The following THAP5 variants were observed in gnomAD, a reference collection of about 807,000 sequenced individuals.
THAP5 encodes THAP domain-containing protein 5.
A neutral mutation model predicts 34.0 loss-of-function variants in THAP5; 26 were observed. The ratio of observed to expected loss-of-function variants is 0.77; its 90% CI spans 0.56 to 1.06. The LOEUF (loss-of-function observed/expected upper bound fraction) is 1.06, where lower values mean the gene tolerates loss of function less well. Ranked by LOEUF, THAP5 falls within the 50% of genes least tolerant of loss-of-function variation. THAP5 has a pLI of 0.00. For missense variants in THAP5, 394 were observed against 452.8 expected (o/e 0.87, Z 1.18); for synonymous variants, 125 against 153.0 (o/e 0.82, Z 1.35).
chr7:108,565,140 G>T, intron 2 of THAP5, 35 bp from the exon 3 acceptor site: 1 of 1,435,346 alleles, frequency 7.0e-7, no homozygotes, highest in South Asian at 1.5e-5. Flanking sequence ...TGAAAAAGAT[G>T]ACTTTTATTG....
chr7:108,553,037 G>A (rs1207598124), downstream of THAP5, among the ~76,000 whole-genome samples: 3 of 151,912 alleles, frequency 2.0e-5, no homozygotes, highest in Non-Finnish European at 4.4e-5. Flanking sequence ...TAAATGAAGA[G>A]GCATTCCCAT....
rs1209205062 is a variant in THAP5, at chr7:108,562,424, A to G, written c.*1767T>C. The G allele has an allele frequency of 6.6e-6, 1 of 152,148 alleles. No homozygotes were observed. The highest frequency in any genetic ancestry group is 1.5e-5 in the Non-Finnish European group (1 of 68,020). The allele number at this position is 152,148 out of a possible 1,614,324, so 9.4% of individuals were successfully genotyped here. On this transcript the variant is annotated 3_prime_UTR_variant, in exon 3 of 3. Transcript: ENST00000415914. ...ATTTCTAATCTTTTATAATTAGTTG[A>G]CTCACTTTCATATAGTACCAATTAA...
chr7:108,545,932 G>GT, the THAP5 span, among the ~76,000 whole-genome samples: 61 of 152,026 alleles, frequency 4.0e-4, no homozygotes, highest in African/African-American at 1.4e-3. Flanking sequence ...AATTTCTATG[G>GT]TTTTTCCTCT....
chr7:108,558,379 A>G (rs60262613), downstream of THAP5, among the ~76,000 whole-genome samples: 11,290 of 79,812 alleles, frequency 0.14, 1,425 homozygotes, highest in African/African-American at 0.22. Context: ...GTGTGTGTGT[A>G]TGTATATATA....
intron 1 of THAP5, among the ~76,000 whole-genome samples, chr7:108,555,793 C>A (rs1187936808): frequency 6.6e-6 from 1 of 151,324 alleles, no homozygotes; most frequent in African/African-American, 2.4e-5. Flanking sequence ...ACCTCCACCT[C>A]CCAGGTTCAA....
the THAP5 span, among the ~76,000 whole-genome samples, chr7:108,547,638 C>CT: frequency 6.6e-6 from 1 of 152,190 alleles, no homozygotes; most frequent in Non-Finnish European, 1.5e-5. Context: ...CAGTATTCGT[C>CT]TAAGATTTGT....
At chr7:108,555,059 A>G (rs1444078470) in intron 1 of THAP5, among the ~76,000 whole-genome samples, 1 of 152,204 alleles carries the variant, frequency 6.6e-6, no homozygotes, top group Non-Finnish European at 1.5e-5. Context: ...GTTGTTATAT[A>G]TAATACTGGC....
the THAP5 span, among the ~76,000 whole-genome samples, chr7:108,545,685 GCTGATAGATCA>G: frequency 6.6e-6 from 1 of 152,104 alleles, no homozygotes; most frequent in Non-Finnish European, 1.5e-5. Flanking sequence ...TTTAGGAGTG[GCTGATAGATCA>G]CCTTTTGTAC....
chr7:108,565,737 A>G (rs1011714023), intron 2 of THAP5, 93 bp downstream of exon 2: 1 of 991,568 alleles, frequency 1.0e-6, no homozygotes, highest in Non-Finnish European at 1.4e-6. Flanking sequence ...TGTTTACCCA[A>G]GTTATAGTTC....
At chr7:108,547,250 G>A in the THAP5 span, among the ~76,000 whole-genome samples, 6 of 152,076 alleles carry the variant, frequency 3.9e-5, no homozygotes, top group African/African-American at 1.4e-4. Context: ...TTCATCCGTG[G>A]TTCAGGTACA....
Position 108,569,613 on chromosome 7 carries a change from AG to A in THAP5, c.-45del. On this transcript the variant is annotated 5_prime_UTR_variant, in exon 1 of 3. Transcript: ENST00000415914. ...GGAGACCGGGGCCGGCGACGGATGC[AG>A]GGCGGCCCTCCTCACTGAGGATGCG... is the stretch of plus-strand genomic sequence containing the variant. 6.5e-7 allele frequency: 1 copy of A among 1,547,450 alleles called. No individual in the cohort carries two copies. Among genetic ancestry groups the A allele is most frequent in the South Asian group, 1.2e-5 (1 of 83,988 alleles).
chr7:108,545,287 G>A, the THAP5 span, among the ~76,000 whole-genome samples: 3 of 152,190 alleles, frequency 2.0e-5, no homozygotes, highest in African/African-American at 4.8e-5. Context: ...TGTAGTGAAA[G>A]TGACTTTTCA....
chr7:108,547,999 A>C, the THAP5 span, among the ~76,000 whole-genome samples: 1 of 152,242 alleles, frequency 6.6e-6, no homozygotes, highest in East Asian at 1.9e-4. Context: ...TAGAGGATCC[A>C]ATGAGCCTCC....
the THAP5 span, among the ~76,000 whole-genome samples, chr7:108,542,640 A>T: frequency 6.6e-6 from 1 of 151,772 alleles, no homozygotes; most frequent in Non-Finnish European, 1.5e-5. Flanking sequence ...TTTTTGTTTT[A>T]TTGGTAGAGA....
Position 108,563,530 on chromosome 7 carries a change from T to TC in THAP5, c.*660dup, listed in dbSNP as rs2154518039. 1 of 95,040 alleles carries TC rather than the reference T, an allele frequency of 1.1e-5. No homozygotes were observed. Among genetic ancestry groups the TC allele is most frequent in the Admixed American group, 1.7e-4 (1 of 5,858 alleles). The allele number at this position is 95,040 out of a possible 1,614,324, so 5.9% of individuals were successfully genotyped here. A position where few individuals can be genotyped will look rare whatever the true frequency, so the allele number is the denominator to read the frequency against. ...TCCAGCCTGGGTTACAGAGTGAGACTCCATCTCAAAAAAAAAAAAAAAAAA... is the reference window on the plus strand; with the variant it reads ...TCCAGCCTGGGTTACAGAGTGAGACTCCCATCTCAAAAAAAAAAAAAAAAAA... On this transcript the variant is annotated 3_prime_UTR_variant, in exon 3 of 3. Transcript: ENST00000415914.
In THAP5 at chr7:108,563,628, C is replaced by G. The variant is rs1790406911; in HGVS notation, c.*563G>C. 6.7e-6 allele frequency: 1 copy of G among 148,558 alleles called. No individual in the cohort carries two copies. Among genetic ancestry groups the G allele is most frequent in the East Asian group, 2.0e-4 (1 of 4,970 alleles). The allele number at this position is 148,558 out of a possible 1,614,324, so 9.2% of individuals were successfully genotyped here. A position where few individuals can be genotyped will look rare whatever the true frequency, so the allele number is the denominator to read the frequency against. ...TAATATGTAACTATAGCCAAAAGGT[C>G]AAAGACCACAGAATTCAATAAATAC... is the stretch of plus-strand genomic sequence containing the variant. On this transcript the variant is annotated 3_prime_UTR_variant, in exon 3 of 3. Coordinates refer to ENST00000415914, the MANE Select transcript of THAP5 (RefSeq NM_001130475.3).
chr7:108,550,965 C>G (rs938297251), downstream of THAP5, among the ~76,000 whole-genome samples: 1 of 152,048 alleles, frequency 6.6e-6, no homozygotes, highest in Non-Finnish European at 1.5e-5. Context: ...TTGGGAGATT[C>G]CTTCAACTTT....
the THAP5 span, among the ~76,000 whole-genome samples, chr7:108,547,756 T>G: frequency 6.6e-6 from 1 of 152,330 alleles, no homozygotes; most frequent in East Asian, 1.9e-4. Flanking sequence ...TGAGCTGTTG[T>G]TTGTGTATTA....
the THAP5 span, among the ~76,000 whole-genome samples, chr7:108,542,053 A>G: frequency 3.9e-5 from 6 of 152,184 alleles, no homozygotes; most frequent in East Asian, 1.9e-4. Context: ...GAAGATCAGG[A>G]AAAAAAACCC....
Sources: gnomAD v4.1 joint callset for allele counts (sites outside exome capture counted in the v4.1 genomes callset) on GRCh38, gnomAD v4.1.1 for gene constraint, MANE v1.5 for transcripts, NCBI Gene and HGNC (gene_info 2026-07-23, HGNC 2026-07-21) for gene names.